The following NEBL variants were observed in gnomAD, a reference collection of about 807,000 sequenced individuals.
NEBL encodes nebulette, also known as LIM and SH3 protein 2.
Under a neutral mutation model 140.2 loss-of-function variants are expected in NEBL, and 122 were observed. That is an observed-to-expected ratio of 0.87 (90% CI 0.75 to 1.01). NEBL has a LOEUF of 1.01. Among genes scored for constraint, NEBL ranks in the 50% least tolerant of loss-of-function variants. The pLI is 0.00. For missense variants in NEBL, 1,365 were observed against 1,231.3 expected (o/e 1.11, Z -1.62); for synonymous variants, 436 against 398.9 (o/e 1.09, Z -1.11).
chr10:21,167,091 C>T (rs544398162), intron 2 of NEBL, among the ~76,000 whole-genome samples: 1 of 152,204 alleles, frequency 6.6e-6, no homozygotes, highest in Non-Finnish European at 1.5e-5. Flanking sequence ...CTGTGCTGAC[C>T]GTTCTGGGTG....
intron 2 of NEBL, among the ~76,000 whole-genome samples, chr10:21,123,487 T>C (rs1191156437): frequency 6.6e-6 from 1 of 152,154 alleles, no homozygotes; most frequent in African/African-American, 2.4e-5. Flanking sequence ...CACTAAGTCT[T>C]TTATGTCACG....
At chr10:21,026,372 A>G (rs560511033) in intron 2 of NEBL, among the ~76,000 whole-genome samples, 1 of 152,300 alleles carries the variant, frequency 6.6e-6, no homozygotes, top group African/African-American at 2.4e-5. Context: ...AAATGTCAAC[A>G]GTGCTGAGGT....
exon 3 of NEBL, chr10:21,247,968 T>C (rs1842538622): frequency 4.4e-6 from 1 of 229,674 alleles, no homozygotes; most frequent in South Asian, 8.4e-5. Flanking sequence ...GCAGAGAGGA[T>C]ACCCAAGATT....
chr10:21,100,587 G>A (rs186955473), intron 2 of NEBL, among the ~76,000 whole-genome samples: 145 of 152,294 alleles, frequency 9.5e-4, no homozygotes, highest in African/African-American at 3.2e-3. Context: ...TTAATACAGG[G>A]CTTGGGGAGG....
rs1423485503 is a variant in NEBL, at chr10:21,069,898, C to G, written c.165-49697G>C. 1.9e-5 allele frequency: 8 copies of G among 424,624 alleles called. No individual in the cohort carries two copies. In the East Asian group the frequency reaches 5.7e-4, roughly 30 times the overall value. The allele number at this position is 424,624 out of a possible 1,614,324, so 26.3% of individuals were successfully genotyped here. ...CAAGTTTTTTAAAAGAATAAGTCTT[C>G]TGCAATTTTCCCCTGATAGCGCAAG... On this transcript the variant is annotated intron_variant, in intron 2 of 6. Coordinates refer to the NEBL transcript ENST00000417816.
At chr10:20,988,624 A>T (rs1451932820) in intron 3 of NEBL, among the ~76,000 whole-genome samples, 1 of 152,170 alleles carries the variant, frequency 6.6e-6, no homozygotes, top group African/African-American at 2.4e-5. Flanking sequence ...GGTCACTGCC[A>T]TTAGCATACA....
chr10:20,988,314 T>C (rs57472807), intron 3 of NEBL, among the ~76,000 whole-genome samples: 26,075 of 152,146 alleles, frequency 0.17, 3,679 homozygotes, highest in East Asian at 0.39. Flanking sequence ...CCTTTCCACA[T>C]TACTCTGCCT....
chr10:21,020,063 C>A, intron 3 of NEBL: 2 of 1,427,560 alleles, frequency 1.4e-6, no homozygotes, highest in Non-Finnish European at 2.0e-6. Context: ...AGAAGAGCAG[C>A]CTTGTGAAAA....
At chr10:21,187,260 T>A (rs1841490492) in intron 3 of NEBL, among the ~76,000 whole-genome samples, 1 of 152,018 alleles carries the variant, frequency 6.6e-6, no homozygotes, top group Non-Finnish European at 1.5e-5. Flanking sequence ...CAATTAAATC[T>A]CTTCCCTTTA....
intron 2 of NEBL, among the ~76,000 whole-genome samples, chr10:21,112,050 A>G (rs1255259301): frequency 6.6e-6 from 1 of 152,248 alleles, no homozygotes; most frequent in East Asian, 1.9e-4. Context: ...ATACCATCTC[A>G]CGCCAGTTAG....
chr10:20,953,495 G>C (rs906743880), intron 4 of NEBL, among the ~76,000 whole-genome samples: 2 of 143,818 alleles, frequency 1.4e-5, no homozygotes, highest in Admixed American at 1.5e-4. Context: ...AGCAGACTAA[G>C]ACAAGCCCTA....
intron 2 of NEBL, among the ~76,000 whole-genome samples, chr10:21,022,204 A>G (rs1838826393): frequency 6.6e-6 from 1 of 152,148 alleles, no homozygotes; most frequent in Non-Finnish European, 1.5e-5. Flanking sequence ...TCCTCAAAGA[A>G]CATCCTCCCT....
At chr10:21,063,193 A>G (rs139942900) in intron 2 of NEBL, among the ~76,000 whole-genome samples, 168 of 152,218 alleles carry the variant, frequency 1.1e-3, no homozygotes, top group Admixed American at 2.0e-3. Flanking sequence ...AACCCCATGC[A>G]CACGCAGTTC....
intron 2 of NEBL, among the ~76,000 whole-genome samples, chr10:21,035,154 C>T (rs963222254): frequency 9.2e-5 from 14 of 151,928 alleles, no homozygotes; most frequent in African/African-American, 2.4e-4. Context: ...CCTGCCACCA[C>T]GCCTGGCTAA....
chr10:20,860,425 G>T (rs1452300096), intron 7 of NEBL, among the ~76,000 whole-genome samples: 1 of 151,570 alleles, frequency 6.6e-6, no homozygotes, highest in Admixed American at 6.6e-5. Flanking sequence ...TAAATTGTTT[G>T]TCTCCTTTTA....
At chr10:20,811,593 T>C (rs990481500) in intron 24 of NEBL, among the ~76,000 whole-genome samples, 10 of 152,194 alleles carry the variant, frequency 6.6e-5, no homozygotes, top group African/African-American at 2.2e-4. Context: ...CTTCAGAAAA[T>C]ACTTCCAGAG....
At chr10:21,112,771 G>T (rs1838089104) in intron 2 of NEBL, 1 of 161,472 alleles carries the variant, frequency 6.2e-6, no homozygotes, top group South Asian at 1.8e-4. Context: ...GAAAAAAATT[G>T]AAAATGTCTG....
chr10:21,122,786 A>G (rs539613775), intron 2 of NEBL, among the ~76,000 whole-genome samples: 3 of 152,168 alleles, frequency 2.0e-5, no homozygotes, highest in Non-Finnish European at 4.4e-5. Context: ...TGACAGATCA[A>G]TTTCCTAAGG....
chr10:20,803,432 G>A (rs1837312110), intron 26 of NEBL, among the ~76,000 whole-genome samples: 1 of 151,928 alleles, frequency 6.6e-6, no homozygotes, highest in African/African-American at 2.4e-5. Context: ...CCTTAAAATA[G>A]TCCATTATAG....
Sources: gnomAD v4.1 joint callset for allele counts (sites outside exome capture counted in the v4.1 genomes callset) on GRCh38, gnomAD v4.1.1 for gene constraint, MANE v1.5 for transcripts, NCBI Gene and HGNC (gene_info 2026-07-23, HGNC 2026-07-21) for gene names.